Variants in SYNRG observed in about 807,000 individuals in gnomAD.
SYNRG encodes AP1 gamma subunit binding protein 1.
Under a neutral mutation model 130.9 loss-of-function variants are expected in SYNRG, and 37 were observed. The ratio of observed to expected loss-of-function variants is 0.28; its 90% CI spans 0.22 to 0.37. The LOEUF (loss-of-function observed/expected upper bound fraction) is 0.37. Ranked by LOEUF, SYNRG falls within the 10% of genes least tolerant of loss-of-function variation. SYNRG has a pLI of 1.00. For synonymous variants in SYNRG, 539 were observed against 568.1 expected, an observed-to-expected ratio of 0.95 and a Z score of 0.73; for missense variants, 1,338 against 1,588.9, an observed-to-expected ratio of 0.84 and a Z score of 2.68.
intron 11 of SYNRG, among the ~76,000 whole-genome samples, chr17:37,565,759 G>A (rs1408849145): frequency 2.8e-5 from 4 of 144,114 alleles, no homozygotes; most frequent in South Asian, 4.5e-4. Context: ...GGTGAGGAGC[G>A]TCTCTGCCCG....
chr17:37,590,106 A>C (rs1043993900), intron 3 of SYNRG, among the ~76,000 whole-genome samples: 8 of 151,408 alleles, frequency 5.3e-5, no homozygotes, highest in Non-Finnish European at 1.5e-5. Context: ...GGGAGGCGGC[A>C]GCTGCAGTGA....
At chr17:37,522,134 T>TACACACACACACACCACACACAC (rs2055154398) in intron 19 of SYNRG, among the ~76,000 whole-genome samples, 1 of 145,036 alleles carries the variant, frequency 6.9e-6, no homozygotes, top group Non-Finnish European at 1.5e-5. Flanking sequence ...TCTAATTCAC[T>TACACACACACACACCACACACAC]ACACACACAC....
intron 3 of SYNRG, 52 bp from the exon 4 acceptor site, chr17:37,586,601 C>G (rs967572327): frequency 6.3e-7 from 1 of 1,594,166 alleles, no homozygotes; most frequent in Non-Finnish European, 8.6e-7. Context: ...CTTTAATTAT[C>G]ACACACAAAA....
intron 13 of SYNRG, chr17:37,557,096 A>C (rs1243035840): frequency 6.6e-6 from 1 of 152,228 alleles, no homozygotes; most frequent in Non-Finnish European, 1.5e-5. Context: ...AGGCATATTA[A>C]GCATATTATT....
intron 1 of SYNRG, chr17:37,606,157 C>A (rs1220140596): frequency 7.1e-6 from 2 of 282,462 alleles, no homozygotes; most frequent in Admixed American, 1.3e-4. Flanking sequence ...TCACAAAACT[C>A]TTCTCTGCCA....
At position 37,553,966 on chromosome 17, in the gene SYNRG, G is replaced by A; in HGVS notation, c.1757C>T (p.Thr586Ile). The A allele has an allele frequency of 1.2e-6, 2 of 1,610,614 alleles. No homozygotes were observed. Among genetic ancestry groups the A allele is most frequent in the Non-Finnish European group, 1.7e-6 (2 of 1,179,342 alleles). ...ADSVSPLEPP[T>I]KDKTFPPSFP... ...GGATGGTGGAAAAGTTTTGTCTTTT[G>A]TTGGTGGCTCTAGTGGTGATACACT... Residue 586 changes from threonine (T) to isoleucine (I), a missense_variant, in exon 14 of 22, where the codon ACA (threonine) becomes ATA (isoleucine). Physicochemically the swap from Thr to Ile is moderately conservative, Grantham distance 89. Around this residue, in one of 3 missense-constraint regions of SYNRG, gnomAD observed 1,146 missense variants for 1,342.3 expected, o/e 0.85. Coordinates refer to ENST00000612223, the MANE Select transcript of SYNRG (RefSeq NM_007247.6).
chr17:37,570,593 C>A, intron 10 of SYNRG, 44 bp downstream of exon 10: 1 of 1,570,184 alleles, frequency 6.4e-7, no homozygotes, highest in Non-Finnish European at 8.6e-7. Flanking sequence ...TGCCCAGATT[C>A]ACTTTCAGTG....
At position 37,542,152 on chromosome 17, in the gene SYNRG, C is replaced by T; in HGVS notation, c.3022G>A (p.Ala1008Thr). The T allele has an allele frequency of 6.2e-7, 1 of 1,614,192 alleles. No homozygotes were observed. The highest frequency in any genetic ancestry group is 8.5e-7 in the Non-Finnish European group (1 of 1,180,024). Reference sequence around the variant, plus strand: ...GTTTCTTGAGAGGCACCACTGGACGCTGGGCTGGGACACGTGGCCTCCTGG... The same window carrying T: ...GTTTCTTGAGAGGCACCACTGGACGTTGGGCTGGGACACGTGGCCTCCTGG... The part of the protein sequence containing the change: ...RSQEATCPSP[A>T]SSGASQETPN... The change falls in exon 15 of 22, where the codon GCG becomes ACG. Residue 1008 changes from alanine to threonine, a missense_variant. By Grantham distance (58) the Ala-to-Thr change is moderately conservative. Around this residue, in one of 3 missense-constraint regions of SYNRG, gnomAD observed 1,146 missense variants for 1,342.3 expected, o/e 0.85. Coordinates refer to ENST00000612223, the MANE Select transcript of SYNRG (RefSeq NM_007247.6).
rs765709884 is a variant in SYNRG, at chr17:37,577,626, C to T, written c.590-13G>A. The T allele has an allele frequency of 4.4e-6, 7 of 1,593,656 alleles. No individual in the cohort carries two copies. In the Admixed American group the frequency reaches 1.2e-4, roughly 27 times the overall value. On this transcript the variant is annotated splice_polypyrimidine_tract_variant and intron_variant, in intron 6 of 21. Coordinates refer to ENST00000612223, the MANE Select transcript of SYNRG (RefSeq NM_007247.6). ...TCCAAGGAAGGGCCTAAACAAAGAGCATGAAGGATTATTTGTATATAACTG... is the reference window on the plus strand; with the variant it reads ...TCCAAGGAAGGGCCTAAACAAAGAGTATGAAGGATTATTTGTATATAACTG...
chr17:37,551,120 T>C (rs1355227189), intron 14 of SYNRG, among the ~76,000 whole-genome samples: 1 of 152,234 alleles, frequency 6.6e-6, no homozygotes, highest in Non-Finnish European at 1.5e-5. Context: ...CCAGGTTTTA[T>C]TCTCTCTTCA....
intron 17 of SYNRG, 197 bp downstream of exon 17, chr17:37,538,995 A>T (rs966634251): frequency 2.1e-6 from 2 of 958,772 alleles, no homozygotes. Flanking sequence ...GATGACTGAC[A>T]CATGAGCCGG....
chr17:37,559,564 C>T (rs1442549237), intron 13 of SYNRG, among the ~76,000 whole-genome samples: 1 of 152,102 alleles, frequency 6.6e-6, no homozygotes, highest in African/African-American at 2.4e-5. Context: ...GTGGCAGGTA[C>T]CTGTAACACC....
chr17:37,592,532 T>C (rs756527248), intron 3 of SYNRG, among the ~76,000 whole-genome samples: 1 of 152,220 alleles, frequency 6.6e-6, no homozygotes, highest in Non-Finnish European at 1.5e-5. Context: ...TGTCCTTCAG[T>C]GAGCAAAAGG....
intron 3 of SYNRG, among the ~76,000 whole-genome samples, chr17:37,589,063 G>C (rs1243598909): frequency 1.3e-5 from 2 of 152,136 alleles, no homozygotes; most frequent in African/African-American, 2.4e-5. Flanking sequence ...CATAACAAAA[G>C]AAAGAACTCA....
intron 6 of SYNRG, among the ~76,000 whole-genome samples, chr17:37,578,563 A>C (rs2061039397): frequency 6.6e-6 from 1 of 152,182 alleles, no homozygotes; most frequent in African/African-American, 2.4e-5. Flanking sequence ...GGCCAGTAAC[A>C]TCATCATCAT....
chr17:37,543,439 G>A (rs1451402139), intron 14 of SYNRG, among the ~76,000 whole-genome samples: 1 of 152,194 alleles, frequency 6.6e-6, no homozygotes, highest in Non-Finnish European at 1.5e-5. Context: ...CATAAAGAAT[G>A]TAGGTTTTTG....
chr17:37,541,452 A>G (rs2057752632), intron 15 of SYNRG: 1 of 165,832 alleles, frequency 6.0e-6, no homozygotes, highest in Non-Finnish European at 1.3e-5. Context: ...TAGACCTACT[A>G]GTGCCAGATA....
intron 1 of SYNRG, among the ~76,000 whole-genome samples, chr17:37,602,724 C>T (rs112945484): frequency 0.044 from 6,749 of 152,040 alleles, 477 homozygotes; most frequent in African/African-American, 0.15. Flanking sequence ...GGGATTAACA[C>T]GCGAAGGAGC....
intron 19 of SYNRG, among the ~76,000 whole-genome samples, chr17:37,521,379 T>G (rs938813897): frequency 6.6e-6 from 1 of 150,786 alleles, no homozygotes; most frequent in African/African-American, 2.4e-5. Flanking sequence ...TGGGAGCTGC[T>G]AGGTGAGGGG....
Sources: gnomAD v4.1 joint callset for allele counts (sites outside exome capture counted in the v4.1 genomes callset) on GRCh38, gnomAD v4.1.1 for gene constraint, gnomAD v4.1.1 regional missense constraint, MANE v1.5 for transcripts, NCBI Gene and HGNC (gene_info 2026-07-23, HGNC 2026-07-21) for gene names.